The following EFCAB10 variants were observed in gnomAD, a reference collection of about 807,000 sequenced individuals.
EFCAB10 encodes the protein EF-hand calcium binding domain 10.
Under a neutral mutation model 7.7 loss-of-function variants are expected in EFCAB10, and 7 were observed. The observed-to-expected ratio is 0.91, with a 90% confidence interval of 0.52 to 1.72. The LOEUF (loss-of-function observed/expected upper bound fraction) is 1.72. Among genes scored for constraint, EFCAB10 ranks in the 40% most tolerant of loss-of-function variants. The pLI is 0.00. For missense variants in EFCAB10, 112 were observed against 61.5 expected (o/e 1.82, Z -2.74); for synonymous variants, 52 against 21.0 (o/e 2.47, Z -4.03).
chr7:105,567,322 A>G (rs1274866970), intron 4 of EFCAB10, 145 bp downstream of exon 4: 2 of 1,562,014 alleles, frequency 1.3e-6, no homozygotes, highest in Non-Finnish European at 1.7e-6. Context: ...TGTCTTTCAG[A>G]AAAAGGTTTC....
intron 1 of EFCAB10, among the ~76,000 whole-genome samples, chr7:105,574,933 T>C (rs1792038029): frequency 7.8e-6 from 1 of 128,096 alleles, no homozygotes. Flanking sequence ...CTATCCCTAC[T>C]TAAAAAAAAA....
At chr7:105,573,280 G>A (rs1371986068) in intron 1 of EFCAB10, 2 of 152,160 alleles carry the variant, frequency 1.3e-5, no homozygotes, top group South Asian at 2.1e-4. Flanking sequence ...GTCACATTTT[G>A]TATGAGGTCT....
intron 1 of EFCAB10, chr7:105,573,719 C>T (rs926192126): frequency 6.6e-6 from 1 of 152,142 alleles, no homozygotes; most frequent in Non-Finnish European, 1.5e-5. Context: ...TTACTATATG[C>T]CTGGTACTGT....
At position 105,572,122 on chromosome 7, in the gene EFCAB10, CTG is replaced by C. The variant is rs1791967463; in HGVS notation, c.107-2553_107-2552del. 5 of 152,280 alleles carry C rather than the reference CTG, an allele frequency of 3.3e-5. No homozygotes were observed. In the South Asian group the frequency reaches 1.0e-3, roughly 32 times the overall value. The allele number at this position is 152,280 out of a possible 1,614,324, so 9.4% of individuals were successfully genotyped here. A position where few individuals can be genotyped will look rare whatever the true frequency, so the allele number is the denominator to read the frequency against. On this transcript the variant is annotated intron_variant, in intron 1 of 4. Coordinates refer to ENST00000480514, the MANE Select transcript of EFCAB10 (RefSeq NM_001355526.2). ...TTTCAAATATAAAATATATTATTAA[CTG>C]TAGTCACCATGATATACAGTAGATC... is the stretch of plus-strand genomic sequence containing the variant.
rs535074193 is a variant in EFCAB10, at chr7:105,567,610, C to A, written c.360-120G>T. The A allele has an allele frequency of 2.0e-5, 11 of 561,296 alleles. No individual in the cohort carries two copies. The South Asian group carries it at 2.8e-4, about 14-fold the overall frequency. The allele number at this position is 561,296 out of a possible 1,614,324, so 34.8% of individuals were successfully genotyped here. On this transcript the variant is annotated intron_variant, in intron 3 of 4. Coordinates refer to ENST00000480514, the MANE Select transcript of EFCAB10 (RefSeq NM_001355526.2). ...TTAAATTATAACCAACTTTCAATTT[C>A]CTGTGCTAATTAAGGGAAATTCTGT...
At chr7:105,573,519 T>G (rs1791998687) in intron 1 of EFCAB10, 1 of 152,224 alleles carries the variant, frequency 6.6e-6, no homozygotes, top group South Asian at 2.1e-4. Context: ...CTCTACCTGC[T>G]TTTAAAAATG....
intron 1 of EFCAB10, among the ~76,000 whole-genome samples, chr7:105,569,980 T>C (rs1245760087): frequency 2.0e-5 from 3 of 151,458 alleles, no homozygotes; most frequent in African/African-American, 7.3e-5. Flanking sequence ...CTCAGCACTT[T>C]GGGAGGCCGA....
chr7:105,571,198 G>A lies in EFCAB10; in HGVS notation c.107-1627C>T, dbSNP rs144930605. ...GAGGAACAAAGTTAATCTTGTTTGT[G>A]CCCTAATTGAAGAGGACTGACAATT... On this transcript the variant is annotated intron_variant, in intron 1 of 4. Transcript: ENST00000480514. 5.9e-5 allele frequency: 9 copies of A among 152,218 alleles called. No individual in the cohort carries two copies. In the East Asian group the frequency reaches 1.7e-3, roughly 29 times the overall value. 9.4% of individuals were successfully genotyped at this position (152,218 alleles called of 1,614,324 possible).
intron 1 of EFCAB10, among the ~76,000 whole-genome samples, chr7:105,575,512 C>A (rs1295504551): frequency 6.6e-6 from 1 of 152,050 alleles, no homozygotes; most frequent in Admixed American, 6.6e-5. Flanking sequence ...TCCCAATATA[C>A]CCTAGCTGAG....
At chr7:105,575,349 C>T (rs756020113) in intron 1 of EFCAB10, among the ~76,000 whole-genome samples, 1 of 152,040 alleles carries the variant, frequency 6.6e-6, no homozygotes, top group Non-Finnish European at 1.5e-5. Flanking sequence ...CACTTTGTCA[C>T]CCAGGCTGGA....
At chr7:105,578,378 T>A (rs1792139305) in intron 1 of EFCAB10, among the ~76,000 whole-genome samples, 1 of 152,102 alleles carries the variant, frequency 6.6e-6, no homozygotes, top group African/African-American at 2.4e-5. Context: ...TTATACAACA[T>A]ATCAAGATGT....
intron 4 of EFCAB10, chr7:105,566,535 G>C (rs771448859): frequency 1.3e-5 from 2 of 152,232 alleles, no homozygotes; most frequent in East Asian, 3.9e-4. Flanking sequence ...AGCCAGGTGT[G>C]GGGGTGTGGA....
intron 1 of EFCAB10, among the ~76,000 whole-genome samples, chr7:105,577,796 T>C (rs967120118): frequency 1.3e-5 from 2 of 151,862 alleles, no homozygotes; most frequent in African/African-American, 4.8e-5. Context: ...CTCAGCTCAC[T>C]GCAACCTCTG....
In EFCAB10 at chr7:105,581,489, C is replaced by G; in HGVS notation, c.-26G>C. 1.4e-6 allele frequency: 1 copy of G among 702,648 alleles called. No individual in the cohort carries two copies. The highest frequency in any genetic ancestry group is 1.5e-5 in the South Asian group (1 of 67,532). 43.5% of individuals were successfully genotyped at this position (702,648 alleles called of 1,614,324 possible). ...CGCTCCGCGTCCCGCTGTTGCTAGGCGACTGCCTGGCGTCTCAGCCGTGCG... is the reference window on the plus strand; with the variant it reads ...CGCTCCGCGTCCCGCTGTTGCTAGGGGACTGCCTGGCGTCTCAGCCGTGCG... On this transcript the variant is annotated 5_prime_UTR_variant, in exon 1 of 5. Transcript: ENST00000480514.
rs956682583 is a variant in EFCAB10, at chr7:105,568,875, G to A, written c.359+328C>T. The stretch of plus-strand genomic sequence containing the variant: ...TGAGGCAGGAGAATCGCTTGAACCC[G>A]GGAGGTGGAGGTTGCAGTGAGCCGA... On this transcript the variant is annotated intron_variant, in intron 3 of 4. Transcript: ENST00000480514. Among the ~76,000 whole-genome samples, 6 of 151,718 alleles carry A rather than the reference G, an allele frequency of 4.0e-5. No individual in the cohort carries two copies. In the East Asian group the frequency reaches 5.8e-4, roughly 15 times the overall value.
chr7:105,570,268 T>TATATATATATATAC (rs1188257284), intron 1 of EFCAB10, among the ~76,000 whole-genome samples: 28 of 66,428 alleles, frequency 4.2e-4, no homozygotes, highest in African/African-American at 8.8e-4. Flanking sequence ...TATATATATA[T>TATATATATATATAC]ACACACACAC....
rs771473733 is a variant in EFCAB10, at chr7:105,567,280, T to G, written c.383+187A>C. 6.2e-7 allele frequency: 1 copy of G among 1,607,762 alleles called. No individual in the cohort carries two copies. The highest frequency in any genetic ancestry group is 8.5e-7 in the Non-Finnish European group (1 of 1,178,192). On this transcript the variant is annotated intron_variant, in intron 4 of 4. Coordinates refer to ENST00000480514, the MANE Select transcript of EFCAB10 (RefSeq NM_001355526.2). ...CAAGATGTTGAGATTCTACTTAATT[T>G]GAGGACAAATTGGCCTAATACTGGA...
At chr7:105,570,211 CAAAAAAAA>C (rs1178986135) in intron 1 of EFCAB10, among the ~76,000 whole-genome samples, 23 of 17,338 alleles carry the variant, frequency 1.3e-3, no homozygotes, top group Admixed American at 3.3e-3. Context: ...AAGACTCTCT[CAAAAAAAA>C]AAAAAAAAAA....
At chr7:105,567,072 T>C (rs535463889) in intron 4 of EFCAB10, 1 of 1,182,172 alleles carries the variant, frequency 8.5e-7, no homozygotes, top group Non-Finnish European at 1.2e-6. Context: ...ATATAATTGA[T>C]GCAGATAATG....
Sources: gnomAD v4.1 joint callset for allele counts (sites outside exome capture counted in the v4.1 genomes callset) on GRCh38, gnomAD v4.1.1 for gene constraint, MANE v1.5 for transcripts, NCBI Gene and HGNC (gene_info 2026-07-23, HGNC 2026-07-21) for gene names.